ZNF423: variants seen among roughly 807,000 people sequenced by gnomAD.
ZNF423 encodes Ebf-associated zinc finger protein.
A neutral mutation model predicts 95.8 loss-of-function variants in ZNF423; 12 were observed. That is an observed-to-expected ratio of 0.13 (90% CI 0.08 to 0.20). The LOEUF is 0.20. ZNF423 is among the 10% of genes least tolerant of loss of function. The pLI, the probability that ZNF423 is intolerant of heterozygous loss-of-function variation, is 1.00. For missense variants in ZNF423, 1,316 were observed against 1,737.1 expected, an observed-to-expected ratio of 0.76 and a Z score of 4.31; for synonymous variants, 749 against 711.9, an observed-to-expected ratio of 1.05 and a Z score of -0.83.
chr16:49,611,898 T>A (rs150473652), intron 5 of ZNF423, among the ~76,000 whole-genome samples: 1 of 152,174 alleles, frequency 6.6e-6, no homozygotes, highest in East Asian at 1.9e-4. Flanking sequence ...GATGAAATGA[T>A]CTGATTTCTC....
chr16:49,815,139 G>C (rs1482116412), intron 1 of ZNF423, among the ~76,000 whole-genome samples: 2 of 152,160 alleles, frequency 1.3e-5, no homozygotes, highest in Non-Finnish European at 2.9e-5. Context: ...CTCAGAACTT[G>C]AGTTTCTTAT....
chr16:49,503,833 T>C (rs756215031), intron 7 of ZNF423, among the ~76,000 whole-genome samples: 1 of 152,142 alleles, frequency 6.6e-6, no homozygotes, highest in Non-Finnish European at 1.5e-5. Flanking sequence ...GCCTGCAAGC[T>C]ACTGTAGCAA....
At chr16:49,858,726 C>CCT (rs1555491196), upstream of ZNF423, among the ~76,000 whole-genome samples, 6 of 143,718 alleles carry the variant, frequency 4.2e-5, no homozygotes, top group Admixed American at 4.1e-4. The surrounding 1 kb of genome is among the most constrained non-coding windows in gnomAD (Gnocchi z 4.3). Flanking sequence ...AGCCCCCCCC[C>CCT]CCACGCCCCC....
At position 49,793,857 on chromosome 16, in the gene ZNF423, C is replaced by T. The variant is rs536473548; in HGVS notation, c.41-4311G>A. ...GCACATGGCAGAGCCCGATTCACCA[C>T]GATGCTAATGAAGCCCCAGCTCCAG... On this transcript the variant is annotated intron_variant, in intron 1 of 7. Coordinates refer to ENST00000563137, the MANE Select transcript of ZNF423 (RefSeq NM_001379286.1). Among the ~76,000 whole-genome samples, 6 of 152,264 alleles carry T rather than the reference C, an allele frequency of 3.9e-5. 1 individual carries two copies. The highest frequency in any genetic ancestry group is 4.1e-4 in the South Asian group (2 of 4,824).
chr16:49,546,657 G>A (rs1354990494), intron 5 of ZNF423, among the ~76,000 whole-genome samples: 2 of 152,188 alleles, frequency 1.3e-5, no homozygotes, highest in East Asian at 1.9e-4. Context: ...GAAGCTATCC[G>A]TGGAAGCTCG....
chr16:49,727,347 T>C (rs945019222), intron 3 of ZNF423, among the ~76,000 whole-genome samples: 2 of 150,028 alleles, frequency 1.3e-5, no homozygotes, highest in Non-Finnish European at 3.0e-5. Context: ...GACGGGGGGG[T>C]CTTCCATCGT....
At chr16:49,669,893 G>A (rs1725057164) in intron 3 of ZNF423, among the ~76,000 whole-genome samples, 1 of 152,234 alleles carries the variant, frequency 6.6e-6, no homozygotes, top group African/African-American at 2.4e-5. Context: ...GGGCTGCAGT[G>A]AGGGTCAGAG....
intron 1 of ZNF423, among the ~76,000 whole-genome samples, chr16:49,800,551 A>T (rs1347760837): frequency 6.6e-6 from 1 of 151,410 alleles, no homozygotes; most frequent in East Asian, 1.9e-4. Flanking sequence ...GGTCCATAGA[A>T]CTTCCCTGCA....
chr16:49,506,318 GTAGACGGATGA>G (rs1967636029), intron 7 of ZNF423, among the ~76,000 whole-genome samples: 1 of 152,076 alleles, frequency 6.6e-6, no homozygotes, highest in Non-Finnish European at 1.5e-5. Context: ...GGAATGGATG[GTAGACGGATGA>G]TGGACAGATG....
chr16:49,807,228 G>A (rs1228097264), intron 1 of ZNF423, among the ~76,000 whole-genome samples: 3 of 151,860 alleles, frequency 2.0e-5, no homozygotes, highest in African/African-American at 7.3e-5. Context: ...TCAGGAGATC[G>A]AGACCATCCT....
chr16:49,625,733 A>G (rs1972238071), intron 5 of ZNF423, among the ~76,000 whole-genome samples: 1 of 152,252 alleles, frequency 6.6e-6, no homozygotes, highest in African/African-American at 2.4e-5. Flanking sequence ...AACCACTTGA[A>G]GAGGAATGGG....
intron 6 of ZNF423, 68 bp from the exon 7 acceptor site, chr16:49,523,807 C>A (rs1204980894): frequency 4.7e-6 from 6 of 1,282,208 alleles, no homozygotes; most frequent in Non-Finnish European, 6.7e-6. Flanking sequence ...GCAGCTGCCC[C>A]CACAACACTC....
chr16:49,820,065 G>C (rs1292319085), intron 1 of ZNF423, among the ~76,000 whole-genome samples: 1 of 149,936 alleles, frequency 6.7e-6, no homozygotes, highest in Non-Finnish European at 1.5e-5. Flanking sequence ...TGGATGGATG[G>C]ATGGATGCAT....
intron 5 of ZNF423, among the ~76,000 whole-genome samples, chr16:49,598,803 T>C (rs1250766712): frequency 1.3e-5 from 2 of 152,248 alleles, no homozygotes; most frequent in Non-Finnish European, 2.9e-5. Context: ...GGGGTGATGT[T>C]AGGACTGGAT....
chr16:49,843,689 T>C (rs2035214359), intron 1 of ZNF423, among the ~76,000 whole-genome samples: 1 of 152,100 alleles, frequency 6.6e-6, no homozygotes. Context: ...AATGAAGGAA[T>C]CTTGACTCAG....
chr16:49,717,112 T>C (rs1315704356), intron 3 of ZNF423, among the ~76,000 whole-genome samples: 2 of 152,082 alleles, frequency 1.3e-5, no homozygotes. Flanking sequence ...TCCTTACACA[T>C]AGGCCAGGCA....
At chr16:49,832,674 C>T (rs1238887881) in intron 1 of ZNF423, among the ~76,000 whole-genome samples, 2 of 152,166 alleles carry the variant, frequency 1.3e-5, no homozygotes, top group Non-Finnish European at 2.9e-5. Flanking sequence ...CTACAGGGCA[C>T]ATGGTGAACT....
intron 2 of ZNF423, among the ~76,000 whole-genome samples, chr16:49,747,324 G>A (rs1471371443): frequency 6.6e-6 from 1 of 150,542 alleles, no homozygotes; most frequent in African/African-American, 2.4e-5. Flanking sequence ...TTGAGAGAGG[G>A]AAAAAAAAAG....
At chr16:49,679,711 A>G (rs1227682841) in intron 3 of ZNF423, among the ~76,000 whole-genome samples, 1 of 152,244 alleles carries the variant, frequency 6.6e-6, no homozygotes, top group Non-Finnish European at 1.5e-5. Flanking sequence ...TGGTGGCAGG[A>G]AGCAGACAGG....
Sources: gnomAD v4.1 joint callset for allele counts (sites outside exome capture counted in the v4.1 genomes callset) on GRCh38, gnomAD v4.1.1 for gene constraint, Gnocchi (gnomAD v3.1) non-coding constraint, MANE v1.5 for transcripts, NCBI Gene and HGNC (gene_info 2026-07-23, HGNC 2026-07-21) for gene names.